The following PTPRD variants were observed in gnomAD, a reference collection of about 807,000 sequenced individuals.
PTPRD encodes receptor-type tyrosine-protein phosphatase delta.
PTPRD carries 34 observed loss-of-function variants against 214.5 expected under a neutral mutation model. The observed-to-expected ratio is 0.16, with a 90% CI of 0.12 to 0.21. The LOEUF (loss-of-function observed/expected upper bound fraction) is 0.21, where lower values mean the gene tolerates loss of function less well. Among genes scored for constraint, PTPRD ranks in the 10% least tolerant of loss-of-function variants. The pLI is 1.00. For missense variants in PTPRD, 2,545 were observed against 2,398.7 expected (o/e 1.06, Z -1.27); for synonymous variants, 1,128 against 845.7 (o/e 1.33, Z -5.79).
chr9:10,138,510 C>G (rs752154495), intron 3 of PTPRD, among the ~76,000 whole-genome samples: 3 of 152,072 alleles, frequency 2.0e-5, no homozygotes, highest in Non-Finnish European at 2.9e-5. Flanking sequence ...TGGTACCAAT[C>G]CTACTGAAAC....
intron 9 of PTPRD, among the ~76,000 whole-genome samples, chr9:9,184,060 A>AT (rs1186720722): frequency 2.0e-5 from 3 of 151,896 alleles, no homozygotes; most frequent in African/African-American, 4.8e-5. Context: ...TGTTTAGCAC[A>AT]TTTTTTTCTC....
intron 7 of PTPRD, among the ~76,000 whole-genome samples, chr9:9,711,040 C>A (rs2097718541): frequency 6.6e-6 from 1 of 152,016 alleles, no homozygotes; most frequent in Non-Finnish European, 1.5e-5. Flanking sequence ...GGAATGGCAT[C>A]CTGTCCAGAG....
At chr9:8,557,517 C>T (rs954122808) in intron 14 of PTPRD, among the ~76,000 whole-genome samples, 1 of 147,632 alleles carries the variant, frequency 6.8e-6, no homozygotes, top group East Asian at 2.0e-4. Context: ...CCAATGTGGG[C>T]GGATCACCTG....
intron 14 of PTPRD, among the ~76,000 whole-genome samples, chr9:8,550,600 G>A (rs987441970): frequency 6.6e-6 from 1 of 152,074 alleles, no homozygotes; most frequent in African/African-American, 2.4e-5. Context: ...CATAATTTGT[G>A]GAAAGAGTAG....
chr9:9,852,305 T>A (rs978355585), intron 5 of PTPRD, among the ~76,000 whole-genome samples: 65 of 152,204 alleles, frequency 4.3e-4, no homozygotes, highest in African/African-American at 1.5e-3. Flanking sequence ...GAATAAAAAA[T>A]TCTGTAGGCC....
At chr9:9,719,909 C>T (rs1340425093) in intron 7 of PTPRD, among the ~76,000 whole-genome samples, 1 of 152,170 alleles carries the variant, frequency 6.6e-6, no homozygotes, top group Admixed American at 6.5e-5. Context: ...GTGCGTGGAG[C>T]TGCCAGCGCT....
At chr9:9,180,077 C>A (rs2099927295) in intron 10 of PTPRD, among the ~76,000 whole-genome samples, 2 of 151,936 alleles carry the variant, frequency 1.3e-5, no homozygotes. Context: ...CACTGGATGA[C>A]CCAGCCATCC....
intron 2 of PTPRD, among the ~76,000 whole-genome samples, chr9:10,433,554 A>T (rs1041437732): frequency 1.1e-4 from 17 of 152,018 alleles, no homozygotes; most frequent in African/African-American, 4.1e-4. Flanking sequence ...CTCTTATGTC[A>T]TCTGTCTAAT....
At chr9:8,431,509 G>C (rs1326335186) in intron 35 of PTPRD, among the ~76,000 whole-genome samples, 1 of 152,088 alleles carries the variant, frequency 6.6e-6, no homozygotes, top group Non-Finnish European at 1.5e-5. Context: ...AGTTGCTTAC[G>C]ATCTATCTAG....
chr9:9,867,260 G>A (rs552799573), intron 5 of PTPRD, among the ~76,000 whole-genome samples: 203 of 152,172 alleles, frequency 1.3e-3, no homozygotes, highest in African/African-American at 4.3e-3. Context: ...TCAAAGATAC[G>A]ATTCATTCTG....
chr9:10,357,280 G>T (rs1406172782), intron 2 of PTPRD, among the ~76,000 whole-genome samples: 1 of 152,098 alleles, frequency 6.6e-6, no homozygotes, highest in South Asian at 2.1e-4. Context: ...TGTTTGATTT[G>T]ATTTAACCAT....
chr9:10,449,713 T>G (rs1360742249), intron 2 of PTPRD, among the ~76,000 whole-genome samples: 1 of 143,288 alleles, frequency 7.0e-6, no homozygotes, highest in South Asian at 2.2e-4. Flanking sequence ...GGAGCCCCTC[T>G]GCCCGGCAGC....
At chr9:10,211,543 C>G (rs2099516886) in intron 3 of PTPRD, among the ~76,000 whole-genome samples, 1 of 152,170 alleles carries the variant, frequency 6.6e-6, no homozygotes, top group Admixed American at 6.5e-5. Flanking sequence ...CCCACCAGAT[C>G]TTCTGCTGCT....
intron 4 of PTPRD, among the ~76,000 whole-genome samples, chr9:9,980,536 G>C (rs1274659191): frequency 3.6e-5 from 5 of 139,124 alleles, no homozygotes; most frequent in East Asian, 4.2e-4. Flanking sequence ...TGAACCCGGG[G>C]GGGCAAAGGT....
intron 8 of PTPRD, among the ~76,000 whole-genome samples, chr9:9,499,721 T>C (rs1278024211): frequency 1.3e-5 from 2 of 152,030 alleles, no homozygotes. Flanking sequence ...GCTGAATGAA[T>C]ACTTAAAACA....
At chr9:9,084,523 G>T (rs1029409463) in intron 10 of PTPRD, among the ~76,000 whole-genome samples, 1 of 152,064 alleles carries the variant, frequency 6.6e-6, no homozygotes, top group Non-Finnish European at 1.5e-5. Context: ...TGCATGTTTT[G>T]CACATGTATC....
chr9:9,913,023 GT>G (rs972153545), intron 5 of PTPRD, among the ~76,000 whole-genome samples: 1 of 151,942 alleles, frequency 6.6e-6, no homozygotes, highest in South Asian at 2.1e-4. Flanking sequence ...ATTCTTATAA[GT>G]TTTTTTAAGT....
chr9:9,447,202 T>C (rs12378837), intron 8 of PTPRD, among the ~76,000 whole-genome samples: 1 of 151,998 alleles, frequency 6.6e-6, no homozygotes, highest in African/African-American at 2.4e-5. Context: ...TCTATCATAA[T>C]GACACATGCA....
chr9:9,188,003 C>T (rs1268690567), intron 9 of PTPRD, among the ~76,000 whole-genome samples: 2 of 151,740 alleles, frequency 1.3e-5, no homozygotes, highest in African/African-American at 2.4e-5. Context: ...GGGTAAACAC[C>T]ACCCACGTCA....
Sources: gnomAD v4.1 joint callset for allele counts (sites outside exome capture counted in the v4.1 genomes callset) on GRCh38, gnomAD v4.1.1 for gene constraint, MANE v1.5 for transcripts, NCBI Gene and HGNC (gene_info 2026-07-23, HGNC 2026-07-21) for gene names.